Variants in ANK3 observed in about 807,000 individuals in gnomAD.
ANK3 encodes ankyrin-3.
In ANK3, 57 loss-of-function variants were observed where a neutral mutation model predicts 370.9. The ratio of observed to expected loss-of-function variants is 0.15; its 90% CI spans 0.12 to 0.19. ANK3 has a LOEUF of 0.19. Ranked by LOEUF, ANK3 falls within the 10% of genes least tolerant of loss-of-function variation. The probability of loss-of-function intolerance (pLI) is 1.00; values close to 1 mark genes in which losing one functional copy is unlikely to be tolerated. For missense variants in ANK3, 4,439 were observed against 5,302.1 expected (o/e 0.84, Z 5.06); for synonymous variants, 1,929 against 1,946.3 (o/e 0.99, Z 0.23).
At chr10:60,522,441 T>A (rs79190732) in intron 2 of ANK3, among the ~76,000 whole-genome samples, 10,567 of 151,604 alleles carry the variant, frequency 0.07, 490 homozygotes, top group South Asian at 0.18. Context: ...TTAAAAAAAA[T>A]TCCTTCCCTA....
chr10:60,231,673 A>C (rs1013614196), intron 8 of ANK3, among the ~76,000 whole-genome samples: 2 of 152,140 alleles, frequency 1.3e-5, no homozygotes, highest in Non-Finnish European at 2.9e-5. Flanking sequence ...AGCAGGAGAG[A>C]AGGGACATTT....
At chr10:60,426,323 C>A (rs1801878278) in intron 2 of ANK3, among the ~76,000 whole-genome samples, 1 of 152,078 alleles carries the variant, frequency 6.6e-6, no homozygotes, top group Non-Finnish European at 1.5e-5. Flanking sequence ...GCTCCCAAAG[C>A]TGCCATGTCC....
chr10:60,317,143 T>C (rs1459605430), intron 1 of ANK3, among the ~76,000 whole-genome samples: 3 of 151,914 alleles, frequency 2.0e-5, no homozygotes, highest in Non-Finnish European at 4.4e-5. Flanking sequence ...ACCTGATAGG[T>C]TTCAAGTACT....
chr10:60,113,202 T>A (rs1346354191), intron 26 of ANK3, among the ~76,000 whole-genome samples: 2 of 152,128 alleles, frequency 1.3e-5, no homozygotes, highest in African/African-American at 2.4e-5. Flanking sequence ...GTTTTTTTTT[T>A]AAGTAAATAT....
chr10:60,176,368 C>CAAAAA (rs752384374), intron 18 of ANK3, among the ~76,000 whole-genome samples: 3 of 102,346 alleles, frequency 2.9e-5, no homozygotes, highest in African/African-American at 7.5e-5. Context: ...CTCTGTCTCC[C>CAAAAA]AAAAAAAAAA....
intron 1 of ANK3, among the ~76,000 whole-genome samples, chr10:60,634,847 C>G (rs960028357): frequency 6.6e-6 from 1 of 151,594 alleles, no homozygotes; most frequent in Non-Finnish European, 1.5e-5. Context: ...TAACACTCAC[C>G]GCGAAAGTCT....
chr10:60,092,648 C>T (rs2088868506), intron 28 of ANK3, among the ~76,000 whole-genome samples: 1 of 152,154 alleles, frequency 6.6e-6, no homozygotes, highest in South Asian at 2.1e-4. Flanking sequence ...AATTTTACTC[C>T]TTTTTGCCTC....
Position 60,072,176 on chromosome 10 carries a change from T to C in ANK3, c.8705A>G (p.Glu2902Gly). Residue 2902 changes from glutamate (E) to glycine (G), a missense_variant, in exon 37 of 44, where the codon GAG becomes GGG. By Grantham distance (98) the Glu-to-Gly change is moderately conservative (BLOSUM62 -2). Around this residue, in one of 13 missense-constraint regions of ANK3, gnomAD observed 1,601 missense variants for 1,731.7 expected, o/e 0.92. Coordinates refer to ENST00000280772, the MANE Select transcript of ANK3 (RefSeq NM_020987.5). ...DQKNEFMSVT[E>G]RERKLLTNGS... ...GTTTGTTAACAATTTGCGTTCTCTCTCAGTCACAGACATAAATTCATTCTT... is the reference window on the plus strand; with the variant it reads ...GTTTGTTAACAATTTGCGTTCTCTCCCAGTCACAGACATAAATTCATTCTT... 2 of 1,613,908 alleles carry C rather than the reference T, an allele frequency of 1.2e-6. No individual in the cohort carries two copies. The highest frequency in any genetic ancestry group is 1.7e-6 in the Non-Finnish European group (2 of 1,179,986).
intron 4 of ANK3, among the ~76,000 whole-genome samples, chr10:60,272,089 TTGTGTGTGTGTGTGTGTGTG>T (rs5785433): frequency 6.9e-6 from 1 of 145,732 alleles, no homozygotes; most frequent in Non-Finnish European, 1.5e-5. Context: ...ACTGTGGGAT[TTGTGTGTGTGTGTGTGTGTG>T]TGTGTGTGTG....
rs2095626183 is a variant in ANK3 at position 60,166,451 on chromosome 10, A to G, written c.2614+140T>C. 4.4e-6 allele frequency: 3 copies of G among 677,406 alleles called. No individual in the cohort carries two copies. In the Admixed American group the frequency reaches 8.4e-5, roughly 19 times the overall value. 42.0% of individuals were successfully genotyped at this position (677,406 alleles called of 1,614,324 possible). The stretch of plus-strand genomic sequence containing the variant: ...GAGCTAGTAGTACCAGATATACATT[A>G]TTTAAATAATACACAAATTAATAAT... On this transcript the variant is annotated intron_variant, in intron 23 of 43. Transcript: ENST00000280772.
intron 1 of ANK3, among the ~76,000 whole-genome samples, chr10:60,621,161 GGCAAT>G (rs914662964): frequency 5.3e-4 from 81 of 152,234 alleles, no homozygotes; most frequent in African/African-American, 1.9e-3. Context: ...AACGATGCCA[GGCAAT>G]GCAATGCAAT....
chr10:60,166,602 T>C lies in ANK3; in HGVS notation c.2603A>G (p.Asp868Gly). ...AAATTTACAAATACCTTCTTCAACA[T>C]CTGAGATATATTCGCCATCACTGAG... Reference protein sequence around the residue: ...EMLSDGEYISDVEEGEDAMTG... With the variant: ...EMLSDGEYISGVEEGEDAMTG... Residue 868 changes from aspartate (D) to glycine (G), a missense_variant, in exon 23 of 44, where the codon GAT (aspartate) becomes GGT (glycine). By Grantham distance (94) the Asp-to-Gly change is moderately conservative. Around this residue, in one of 13 missense-constraint regions of ANK3, gnomAD observed 702 missense variants for 941.5 expected, o/e 0.75. Coordinates refer to ENST00000280772, the MANE Select transcript of ANK3 (RefSeq NM_020987.5). 3.1e-6 allele frequency: 5 copies of C among 1,613,614 alleles called. No individual in the cohort carries two copies. Among genetic ancestry groups the C allele is most frequent in the Non-Finnish European group, 4.2e-6 (5 of 1,179,690 alleles).
intron 1 of ANK3, among the ~76,000 whole-genome samples, chr10:60,345,501 T>G (rs1024576354): frequency 1.3e-5 from 2 of 152,164 alleles, no homozygotes; most frequent in African/African-American, 4.8e-5. Flanking sequence ...TCAGATAGAT[T>G]CTCAGAAAGT....
chr10:60,390,806 A>G (rs908082444), upstream of ANK3, among the ~76,000 whole-genome samples: 3 of 151,834 alleles, frequency 2.0e-5, no homozygotes, highest in Non-Finnish European at 4.4e-5. Flanking sequence ...GAAAAAAAAA[A>G]AAGATGTTCT....
At chr10:60,537,767 A>G (rs1303330874) in intron 2 of ANK3, among the ~76,000 whole-genome samples, 5 of 152,010 alleles carry the variant, frequency 3.3e-5, no homozygotes. Context: ...TTTCAAAAAT[A>G]TGGTAGAATT....
chr10:60,330,668 G>C (rs1247545711), intron 1 of ANK3, among the ~76,000 whole-genome samples: 1 of 152,178 alleles, frequency 6.6e-6, no homozygotes, highest in Non-Finnish European at 1.5e-5. Flanking sequence ...ACTGTTGGGG[G>C]GAGTGTAAAT....
chr10:60,481,643 T>A (rs1350901152), intron 2 of ANK3, among the ~76,000 whole-genome samples: 1 of 152,128 alleles, frequency 6.6e-6, no homozygotes, highest in Non-Finnish European at 1.5e-5. Context: ...TTTATATTTT[T>A]AGTAGAGATG....
chr10:60,593,332 A>C (rs2077942798), intron 2 of ANK3, among the ~76,000 whole-genome samples: 1 of 152,158 alleles, frequency 6.6e-6, no homozygotes, highest in African/African-American at 2.4e-5. Context: ...AATTTGTTTT[A>C]ATCAAAACAT....
chr10:60,194,204 C>T (rs904141390), intron 16 of ANK3, among the ~76,000 whole-genome samples: 1 of 152,250 alleles, frequency 6.6e-6, no homozygotes. Context: ...AAATGTACAA[C>T]CATTAAATTC....
Sources: allele counts gnomAD v4.1 joint callset (sites outside exome capture counted in the v4.1 genomes callset), GRCh38; gene constraint gnomAD v4.1.1; regional missense constraint gnomAD v4.1.1; transcripts MANE v1.5; gene names NCBI Gene and HGNC (gene_info 2026-07-23, HGNC 2026-07-21).